Variants in ASTN1 observed in about 807,000 individuals in gnomAD.
ASTN1 encodes the protein astrotactin 1.
In ASTN1, 41 loss-of-function variants were observed where a neutral mutation model predicts 140.7. The ratio of observed to expected loss-of-function variants is 0.29; its 90% CI spans 0.23 to 0.38. ASTN1 has a LOEUF of 0.38. Among genes scored for constraint, ASTN1 ranks in the 10% least tolerant of loss-of-function variants. ASTN1 has a pLI of 1.00. For missense variants in ASTN1, 1,479 were observed against 1,678.8 expected (o/e 0.88, Z 2.08); for synonymous variants, 640 against 652.2 (o/e 0.98, Z 0.29).
At position 177,061,138 on chromosome 1, in the gene ASTN1, A is replaced by G; in HGVS notation, c.411T>C (p.Thr137=). 1.2e-6 allele frequency: 2 copies of G among 1,611,876 alleles called. No individual in the cohort carries two copies. The highest frequency in any genetic ancestry group is 1.7e-5 in the Admixed American group (1 of 59,688). The change falls in exon 2 of 23, where the codon ACT becomes ACC. Residue 137 remains threonine (T), a synonymous_variant. Coordinates refer to ENST00000361833, the MANE Select transcript of ASTN1 (RefSeq NM_004319.3). The part of the protein sequence containing the change: ...GAPSLPGQDP[T]EEPQHESAEE... ...CTGCCGACTCATGTTGGGGTTCTTC[A>G]GTGGGGTCTTGTCCAGGAAGGCTTG...
chr1:176,881,828 A>G (rs1668811818), intron 20 of ASTN1, among the ~76,000 whole-genome samples: 1 of 152,216 alleles, frequency 6.6e-6, no homozygotes, highest in African/African-American at 2.4e-5. Flanking sequence ...TTCATCTTGC[A>G]ATCAATGCCA....
intron 7 of ASTN1, among the ~76,000 whole-genome samples, chr1:177,019,921 G>A (rs921377318): frequency 6.6e-6 from 1 of 152,142 alleles, no homozygotes; most frequent in Non-Finnish European, 1.5e-5. Flanking sequence ...GTCTCATTCT[G>A]TCACTGTGGC....
At chr1:176,972,844 G>A (rs1673198464) in intron 8 of ASTN1, among the ~76,000 whole-genome samples, 1 of 152,186 alleles carries the variant, frequency 6.6e-6, no homozygotes, top group South Asian at 2.1e-4. Context: ...GAGCCAGACT[G>A]AGTAGGTTTA....
chr1:177,003,598 G>T (rs1242956139), intron 8 of ASTN1, among the ~76,000 whole-genome samples: 1 of 152,146 alleles, frequency 6.6e-6, no homozygotes, highest in Non-Finnish European at 1.5e-5. Flanking sequence ...ATTACCTGAA[G>T]TTGGAAGTTC....
At chr1:177,132,116 T>C (rs1441625606) in intron 1 of ASTN1, among the ~76,000 whole-genome samples, 1 of 152,210 alleles carries the variant, frequency 6.6e-6, no homozygotes, top group East Asian at 1.9e-4. Context: ...GATTTTCCCC[T>C]TCTTTATTCT....
chr1:176,991,078 T>A (rs1404937603), intron 8 of ASTN1, among the ~76,000 whole-genome samples: 1 of 152,130 alleles, frequency 6.6e-6, no homozygotes, highest in Non-Finnish European at 1.5e-5. Flanking sequence ...TCTCTGTACT[T>A]CAGTTAATAA....
At chr1:177,022,387 T>C (rs1675876316) in intron 7 of ASTN1, among the ~76,000 whole-genome samples, 1 of 152,178 alleles carries the variant, frequency 6.6e-6, no homozygotes, top group South Asian at 2.1e-4. Context: ...CATACTACTT[T>C]GGGAAGGATC....
At chr1:177,028,119 TA>T (rs1676221110) in intron 5 of ASTN1, among the ~76,000 whole-genome samples, 1 of 152,156 alleles carries the variant, frequency 6.6e-6, no homozygotes, top group East Asian at 1.9e-4. Flanking sequence ...GTTAATAGCG[TA>T]AAAAGTTGAT....
At chr1:177,102,596 AG>A (rs1429208442) in intron 1 of ASTN1, among the ~76,000 whole-genome samples, 1 of 152,218 alleles carries the variant, frequency 6.6e-6, no homozygotes, top group Non-Finnish European at 1.5e-5. Context: ...AATAAAACAA[AG>A]TAAAATTAAA....
chr1:177,010,431 G>T (rs1454796063), intron 8 of ASTN1, among the ~76,000 whole-genome samples: 1 of 152,168 alleles, frequency 6.6e-6, no homozygotes, highest in Admixed American at 6.5e-5. Flanking sequence ...GATTGATTTT[G>T]TTGCCAACCT....
chr1:177,017,882 G>T (rs1192751266), intron 7 of ASTN1, among the ~76,000 whole-genome samples: 14 of 152,188 alleles, frequency 9.2e-5, no homozygotes, highest in Admixed American at 9.2e-4. Context: ...ACAGCTGAAG[G>T]ACTGAGGCAT....
chr1:177,090,199 A>T (rs1334748299), intron 1 of ASTN1, among the ~76,000 whole-genome samples: 2 of 151,758 alleles, frequency 1.3e-5, no homozygotes, highest in Non-Finnish European at 1.5e-5. Context: ...GGAATGAGGG[A>T]TCTCACAGAC....
At chr1:177,164,364 C>T in intron 1 of ASTN1, 30 bp downstream of exon 1, 4 of 1,535,524 alleles carry the variant, frequency 2.6e-6, no homozygotes, top group South Asian at 1.3e-5. Flanking sequence ...TCCAGCGCCT[C>T]CGGCCGCCTC....
rs1571553833 is a variant in ASTN1 at position 176,949,035 on chromosome 1, G to A, written c.2054+150C>T. 1.1e-5 allele frequency: 12 copies of A among 1,132,096 alleles called. No individual in the cohort carries two copies. The South Asian group carries it at 1.9e-4, about 18-fold the overall frequency. The allele number at this position is 1,132,096 out of a possible 1,614,324, so 70.1% of individuals were successfully genotyped here. ...AATGTTCCCCCTCGACTTTAAAAAT[G>A]TTCCCCCCCAAGTCCTAGAGGCTCT... On this transcript the variant is annotated intron_variant, in intron 12 of 22. Transcript: ENST00000361833.
At chr1:177,118,821 A>C (rs1170097213) in intron 1 of ASTN1, among the ~76,000 whole-genome samples, 1 of 152,220 alleles carries the variant, frequency 6.6e-6, no homozygotes, top group Non-Finnish European at 1.5e-5. Flanking sequence ...TACATCAACC[A>C]AAAGTGGTAA....
At chr1:177,006,023 T>C (rs1674977649) in intron 8 of ASTN1, among the ~76,000 whole-genome samples, 1 of 152,200 alleles carries the variant, frequency 6.6e-6, no homozygotes, top group Non-Finnish European at 1.5e-5. Flanking sequence ...ATGGTGTTCC[T>C]ACAACCTCTT....
At chr1:177,076,026 T>C (rs576895195) in intron 1 of ASTN1, among the ~76,000 whole-genome samples, 11 of 152,134 alleles carry the variant, frequency 7.2e-5, no homozygotes, top group Admixed American at 2.0e-4. Context: ...ACACCTGTAA[T>C]CCCAGCACTT....
intron 1 of ASTN1, among the ~76,000 whole-genome samples, chr1:177,102,443 T>C (rs1386801326): frequency 6.6e-6 from 1 of 152,160 alleles, no homozygotes; most frequent in African/African-American, 2.4e-5. Context: ...ATCACACACC[T>C]TCCTACTGAG....
intron 2 of ASTN1, among the ~76,000 whole-genome samples, chr1:177,050,002 A>T (rs1007972204): frequency 6.6e-6 from 1 of 152,196 alleles, no homozygotes. Context: ...AGAATGAAAG[A>T]TGGATGCTTT....
Sources: allele counts gnomAD v4.1 joint callset (sites outside exome capture counted in the v4.1 genomes callset), GRCh38; gene constraint gnomAD v4.1.1; transcripts MANE v1.5; gene names NCBI Gene and HGNC (gene_info 2026-07-23, HGNC 2026-07-21).